WIPF3: variants seen among roughly 807,000 people sequenced by gnomAD.
WIPF3 encodes WAS/WASL interacting protein family member 3, also known as WAS/WASL-interacting protein family member 3.
A neutral mutation model predicts 38.9 loss-of-function variants in WIPF3; 33 were observed. The ratio of observed to expected loss-of-function variants is 0.85; its 90% CI spans 0.64 to 1.14. The LOEUF is 1.14. Ranked by LOEUF, WIPF3 falls within the 50% of genes most tolerant of loss-of-function variation. The pLI, the probability that WIPF3 is intolerant of heterozygous loss-of-function variation, is 0.00. For synonymous variants in WIPF3, 324 were observed against 269.3 expected (o/e 1.20, Z -1.99); for missense variants, 711 against 652.5 (o/e 1.09, Z -0.98).
chr7:29,896,435 C>T (rs920794877), intron 7 of WIPF3, among the ~76,000 whole-genome samples: 3 of 152,010 alleles, frequency 2.0e-5, no homozygotes, highest in Non-Finnish European at 4.4e-5. Context: ...GGCAACATGG[C>T]GAAACCCCAT....
intron 2 of WIPF3, among the ~76,000 whole-genome samples, chr7:29,853,899 G>T (rs963512037): frequency 6.6e-6 from 1 of 152,142 alleles, no homozygotes; most frequent in African/African-American, 2.4e-5. Context: ...CGTTTTCCTG[G>T]CTTTGGAATT....
intron 2 of WIPF3, among the ~76,000 whole-genome samples, chr7:29,858,435 C>T (rs369822710): frequency 2.6e-5 from 4 of 152,300 alleles, no homozygotes; most frequent in East Asian, 3.9e-4. Flanking sequence ...TCAGCCCACA[C>T]CACTCTCATT....
At chr7:29,822,672 C>G (rs1317969339) in intron 1 of WIPF3, among the ~76,000 whole-genome samples, 1 of 152,196 alleles carries the variant, frequency 6.6e-6, no homozygotes, top group Non-Finnish European at 1.5e-5. Flanking sequence ...ACAAATGTAT[C>G]GTCTACAGCA....
At chr7:29,830,206 G>A (rs546007453) in intron 1 of WIPF3, among the ~76,000 whole-genome samples, 16 of 151,782 alleles carry the variant, frequency 1.1e-4, no homozygotes, top group African/African-American at 3.9e-4. Context: ...GCAGCATCTC[G>A]GTGGCACCTA....
At chr7:29,876,320 A>G (rs1785596653) in intron 3 of WIPF3, among the ~76,000 whole-genome samples, 1 of 152,176 alleles carries the variant, frequency 6.6e-6, no homozygotes, top group African/African-American at 2.4e-5. Context: ...TGCAACAATC[A>G]CCTCTATCTA....
intron 8 of WIPF3, among the ~76,000 whole-genome samples, chr7:29,911,828 C>G (rs1340993842): frequency 6.6e-6 from 1 of 152,102 alleles, no homozygotes; most frequent in Non-Finnish European, 1.5e-5. Flanking sequence ...CTGTAAAACT[C>G]TTAGGAGAAA....
intron 2 of WIPF3, among the ~76,000 whole-genome samples, chr7:29,848,561 C>T (rs1201657212): frequency 6.6e-6 from 1 of 152,164 alleles, no homozygotes; most frequent in African/African-American, 2.4e-5. Flanking sequence ...CTTTCTCTAC[C>T]TGAGCCAAAC....
chr7:29,872,573 C>T (rs574195178), intron 2 of WIPF3, among the ~76,000 whole-genome samples: 1 of 152,036 alleles, frequency 6.6e-6, no homozygotes, highest in African/African-American at 2.4e-5. Context: ...GCGGGCGGAT[C>T]ACAAGGTCAG....
intron 2 of WIPF3, among the ~76,000 whole-genome samples, chr7:29,840,187 C>T (rs1583598481): frequency 6.6e-6 from 1 of 152,210 alleles, no homozygotes; most frequent in African/African-American, 2.4e-5. Context: ...TGCGCACATC[C>T]TCTGCTTCTC....
intron 1 of WIPF3, among the ~76,000 whole-genome samples, chr7:29,827,533 G>A (rs1418619181): frequency 6.6e-6 from 1 of 152,046 alleles, no homozygotes; most frequent in Non-Finnish European, 1.5e-5. Context: ...TGGCCGCAAG[G>A]TACCTTTAAT....
At chr7:29,868,464 C>T (rs1427314127) in intron 2 of WIPF3, among the ~76,000 whole-genome samples, 2 of 151,146 alleles carry the variant, frequency 1.3e-5, no homozygotes, top group African/African-American at 4.9e-5. Context: ...AGATGAGAGT[C>T]CAATTTTGGA....
chr7:29,895,225 G>A (rs539277583), intron 7 of WIPF3, among the ~76,000 whole-genome samples: 34 of 152,162 alleles, frequency 2.2e-4, no homozygotes, highest in South Asian at 2.1e-4. Flanking sequence ...GTGAGCCACC[G>A]CACCCAGCCT....
At chr7:29,840,426 C>G (rs73303151) in intron 2 of WIPF3, among the ~76,000 whole-genome samples, 2,777 of 152,284 alleles carry the variant, frequency 0.018, 77 homozygotes, top group African/African-American at 0.058. Flanking sequence ...GCAAACCCCC[C>G]ACTTCAGAGC....
chr7:29,870,970 AAAG>A (rs1041542561), intron 2 of WIPF3, among the ~76,000 whole-genome samples: 1 of 151,934 alleles, frequency 6.6e-6, no homozygotes, highest in African/African-American at 2.4e-5. Context: ...AAAAAAAAAA[AAAG>A]AATCAGGCTT....
intron 1 of WIPF3, among the ~76,000 whole-genome samples, chr7:29,832,006 A>G (rs532758262): frequency 1.3e-5 from 2 of 152,328 alleles, no homozygotes; most frequent in East Asian, 1.9e-4. Flanking sequence ...TAGGTAAATG[A>G]CAAAACCCTT....
chr7:29,817,111 A>T (rs368415706), intron 1 of WIPF3, among the ~76,000 whole-genome samples: 1 of 152,148 alleles, frequency 6.6e-6, no homozygotes, highest in Non-Finnish European at 1.5e-5. Flanking sequence ...AATAACATTG[A>T]GGGTCTTTGA....
chr7:29,890,997 T>A, intron 7 of WIPF3, among the ~76,000 whole-genome samples: 1 of 127,258 alleles, frequency 7.9e-6, no homozygotes, highest in South Asian at 2.8e-4. Context: ...GCCTGCCCTG[T>A]GCTCAGGTGG....
Position 29,904,376 on chromosome 7 carries a change from C to T in WIPF3, c.1428+14C>T, listed in dbSNP as rs1786350945. ...AGAAATTCTCAGGTAACACAAGCCT[C>T]ATGTCTCTGAATGTAAAACCAGGAA... On this transcript the variant is annotated intron_variant, in intron 8 of 8. Transcript: ENST00000242140. The T allele has an allele frequency of 6.2e-7, 1 of 1,613,128 alleles. No individual in the cohort carries two copies. The highest frequency in any genetic ancestry group is 8.5e-7 in the Non-Finnish European group (1 of 1,179,124).
chr7:29,901,162 C>T (rs1387741353), intron 7 of WIPF3, among the ~76,000 whole-genome samples: 1 of 152,146 alleles, frequency 6.6e-6, no homozygotes, highest in Non-Finnish European at 1.5e-5. Flanking sequence ...TGATGAGTTA[C>T]AGTATCCCAA....
Sources: allele counts gnomAD v4.1 joint callset (sites outside exome capture counted in the v4.1 genomes callset), GRCh38; gene constraint gnomAD v4.1.1; transcripts MANE v1.5; gene names NCBI Gene and HGNC (gene_info 2026-07-23, HGNC 2026-07-21).